MYLK: variants seen among roughly 807,000 people sequenced by gnomAD.
The protein encoded by MYLK is myosin light chain kinase, also known as myosin light chain kinase, smooth muscle.
A neutral mutation model predicts 203.4 loss-of-function variants in MYLK; 106 were observed. The observed-to-expected ratio is 0.52, with a 90% CI of 0.45 to 0.61. The LOEUF (loss-of-function observed/expected upper bound fraction) is 0.61, where lower values mean the gene tolerates loss of function less well. Among genes scored for constraint, MYLK ranks in the 20% least tolerant of loss-of-function variants. The pLI, the probability that MYLK is intolerant of heterozygous loss-of-function variation, is 0.00. For synonymous variants in MYLK, 867 were observed against 959.5 expected (o/e 0.90, Z 1.78); for missense variants, 2,072 against 2,442.3 (o/e 0.85, Z 3.20).
intron 5 of MYLK, among the ~76,000 whole-genome samples, chr3:123,742,843 T>C (rs2062898760): frequency 1.3e-5 from 2 of 152,170 alleles, no homozygotes; most frequent in African/African-American, 4.8e-5. Flanking sequence ...ATTGAAAAAG[T>C]GCATTAAGTG....
At chr3:123,832,260 C>A (rs1336340649) in intron 2 of MYLK, among the ~76,000 whole-genome samples, 2 of 152,358 alleles carry the variant, frequency 1.3e-5, no homozygotes, top group East Asian at 3.9e-4. Context: ...GGACCCCCGA[C>A]TCAGCCTGGC....
chr3:123,850,531 AT>A (rs1367277240), intron 2 of MYLK, among the ~76,000 whole-genome samples: 1 of 152,200 alleles, frequency 6.6e-6, no homozygotes, highest in Non-Finnish European at 1.5e-5. Flanking sequence ...TTTTGGCTGC[AT>A]AAATGTCTTC....
chr3:123,656,090 C>T (rs1212771194), intron 24 of MYLK, among the ~76,000 whole-genome samples: 1 of 152,156 alleles, frequency 6.6e-6, no homozygotes, highest in Non-Finnish European at 1.5e-5. Context: ...ACTGTCATCC[C>T]AGAGGCCCAT....
chr3:123,785,715 G>A lies in MYLK; in HGVS notation c.165+7962C>T, dbSNP rs558268453. On this transcript the variant is annotated intron_variant, in intron 4 of 33. Coordinates refer to ENST00000360304, the MANE Select transcript of MYLK (RefSeq NM_053025.4). ...GCTCTCAATCAGCCCTGTCCGAAAG[G>A]ACATTCTATGATAATGGAAATGTTC... Among the ~76,000 whole-genome samples the A allele has an allele frequency of 3.3e-5, 5 of 152,350 alleles. 1 individual carries two copies. In the South Asian group the frequency reaches 1.0e-3, roughly 32 times the overall value.
At chr3:123,822,644 G>A (rs1439272861) in intron 3 of MYLK, among the ~76,000 whole-genome samples, 1 of 152,124 alleles carries the variant, frequency 6.6e-6, no homozygotes, top group Admixed American at 6.5e-5. Context: ...ACGTTTGTGG[G>A]GCTGACAGTT....
At chr3:123,834,645 C>G (rs565473582) in intron 2 of MYLK, among the ~76,000 whole-genome samples, 6 of 152,028 alleles carry the variant, frequency 3.9e-5, no homozygotes, top group South Asian at 4.2e-4. Context: ...GGGAAAGGAG[C>G]TGAATGTCCT....
chr3:123,733,746 T>C lies in MYLK; in HGVS notation c.1250A>G (p.Glu417Gly). The change falls in exon 10 of 34, where the codon GAG (glutamate) becomes GGG (glycine). Residue 417 changes from glutamate to glycine, a missense_variant. Glu to Gly is a moderately conservative substitution (Grantham distance 98). This residue lies in a region of MYLK where 683 missense variants were observed against 643.8 expected (regional missense o/e 1.06). Coordinates refer to ENST00000360304, the MANE Select transcript of MYLK (RefSeq NM_053025.4). Reference protein sequence around the residue: ...GQRDSAFPKFESKPQSQEVKE... With the variant: ...GQRDSAFPKFGSKPQSQEVKE... Reference sequence around the variant, plus strand: ...GACCTCCTGGCTTTGGGGCTTGCTCTCAAATTTGGGGAATGCTGAATCCCT... The same window carrying C: ...GACCTCCTGGCTTTGGGGCTTGCTCCCAAATTTGGGGAATGCTGAATCCCT... 3 of 1,614,214 alleles carry C rather than the reference T, an allele frequency of 1.9e-6. No homozygotes were observed. The highest frequency in any genetic ancestry group is 2.5e-6 in the Non-Finnish European group (3 of 1,180,044).
intron 20 of MYLK, among the ~76,000 whole-genome samples, chr3:123,673,701 T>G (rs543051686): frequency 1.3e-5 from 2 of 152,252 alleles, no homozygotes; most frequent in East Asian, 3.9e-4. Flanking sequence ...CTGGAGTCAC[T>G]CTTATTATCT....
chr3:123,712,402 T>C (rs2061732081), intron 13 of MYLK, among the ~76,000 whole-genome samples: 1 of 152,194 alleles, frequency 6.6e-6, no homozygotes. Flanking sequence ...GTCCCCAGCC[T>C]TACAGAGCTT....
At chr3:123,688,351 T>C (rs114072968) in intron 19 of MYLK, among the ~76,000 whole-genome samples, 3,100 of 151,936 alleles carry the variant, frequency 0.02, 57 homozygotes, top group Non-Finnish European at 0.029. Context: ...AGCCCCACCA[T>C]TGGTCTTCAC....
chr3:123,689,239 G>A (rs1216499474), intron 19 of MYLK, among the ~76,000 whole-genome samples: 2 of 152,202 alleles, frequency 1.3e-5, no homozygotes, highest in Non-Finnish European at 2.9e-5. Context: ...CCAGTGAGGG[G>A]CTAAGGTGTT....
At chr3:123,820,788 A>G (rs1340312444) in intron 3 of MYLK, among the ~76,000 whole-genome samples, 2 of 151,632 alleles carry the variant, frequency 1.3e-5, no homozygotes, top group East Asian at 3.9e-4. Flanking sequence ...CAGTAGTGCA[A>G]TCTCGGCTCA....
At chr3:123,762,331 C>A (rs4678055) in intron 4 of MYLK, among the ~76,000 whole-genome samples, 2 of 152,026 alleles carry the variant, frequency 1.3e-5, no homozygotes, top group African/African-American at 4.8e-5. Flanking sequence ...CATGCTCAAG[C>A]GATCCTCCCA....
chr3:123,626,967 T>C (rs768680585), intron 30 of MYLK, 26 bp from the exon 31 acceptor site: 2 of 1,613,756 alleles, frequency 1.2e-6, no homozygotes, highest in Non-Finnish European at 1.7e-6. Context: ...ATCAGGAGAT[T>C]TTTGAGCAGG....
At chr3:123,731,013 G>A (rs57197936) in intron 11 of MYLK, among the ~76,000 whole-genome samples, 8,475 of 152,244 alleles carry the variant, frequency 0.056, 755 homozygotes, top group African/African-American at 0.19. Flanking sequence ...ATAGTCTTCT[G>A]TGAGACTTAG....
chr3:123,654,344 A>ATT (rs201775720), intron 24 of MYLK, among the ~76,000 whole-genome samples: 3 of 151,314 alleles, frequency 2.0e-5, no homozygotes, highest in African/African-American at 7.3e-5. Context: ...CTAATTTTCA[A>ATT]TTTTTTTTTC....
intron 13 of MYLK, among the ~76,000 whole-genome samples, chr3:123,712,048 G>A (rs1160986639): frequency 6.6e-6 from 1 of 152,222 alleles, no homozygotes; most frequent in East Asian, 1.9e-4. Context: ...CAGTTGAAGG[G>A]CATGGAGCCT....
At chr3:123,791,488 C>A (rs999910796) in intron 4 of MYLK, among the ~76,000 whole-genome samples, 1 of 152,226 alleles carries the variant, frequency 6.6e-6, no homozygotes, top group Non-Finnish European at 1.5e-5. Context: ...ATGCTAGCTT[C>A]CAGGGCATTT....
chr3:123,741,182 TTGACTC>T (rs1421296928), intron 5 of MYLK, among the ~76,000 whole-genome samples: 1 of 152,192 alleles, frequency 6.6e-6, no homozygotes, highest in Non-Finnish European at 1.5e-5. Context: ...TTCCTTAACT[TTGACTC>T]TGATCACATT....
Sources: gnomAD v4.1 joint callset for allele counts (sites outside exome capture counted in the v4.1 genomes callset) on GRCh38, gnomAD v4.1.1 for gene constraint, gnomAD v4.1.1 regional missense constraint, MANE v1.5 for transcripts, NCBI Gene and HGNC (gene_info 2026-07-23, HGNC 2026-07-21) for gene names.